Variants in ARHGAP39 observed in about 807,000 individuals in gnomAD.
The protein encoded by ARHGAP39 is Rho GTPase activating protein 39, also known as rho GTPase-activating protein 39.
Under a neutral mutation model 106.9 loss-of-function variants are expected in ARHGAP39, and 44 were observed. The observed-to-expected ratio is 0.41, with a 90% CI of 0.32 to 0.53. The LOEUF (loss-of-function observed/expected upper bound fraction) is 0.53. Ranked by LOEUF, ARHGAP39 falls within the 20% of genes least tolerant of loss-of-function variation. The pLI is 0.21. For missense variants in ARHGAP39, 1,496 were observed against 1,577.3 expected (o/e 0.95, Z 0.87); for synonymous variants, 768 against 693.2 (o/e 1.11, Z -1.69).
At chr8:144,599,464 G>A (rs534161389) in intron 2 of ARHGAP39, among the ~76,000 whole-genome samples, 6 of 152,316 alleles carry the variant, frequency 3.9e-5, no homozygotes, top group Admixed American at 1.3e-4. Flanking sequence ...ACTAACATCT[G>A]TTTATTCTTC....
chr8:144,667,845 A>T (rs1364598841), intron 1 of ARHGAP39, among the ~76,000 whole-genome samples: 1 of 152,236 alleles, frequency 6.6e-6, no homozygotes, highest in South Asian at 2.1e-4. Flanking sequence ...TGTTCAGAGC[A>T]TAAGCATCAG....
intron 3 of ARHGAP39, among the ~76,000 whole-genome samples, chr8:144,562,653 G>GACTCCAGTGGTTTCCATCGGACTC (rs1564849704): frequency 1.4e-5 from 2 of 138,936 alleles, no homozygotes; most frequent in African/African-American, 2.8e-5. Flanking sequence ...GTTACCATCG[G>GACTCCAGTGGTTTCCATCGGACTC]ACTCCAGTGG....
chr8:144,677,182 G>T (rs761731725), intron 1 of ARHGAP39, among the ~76,000 whole-genome samples: 1 of 152,174 alleles, frequency 6.6e-6, no homozygotes, highest in Non-Finnish European at 1.5e-5. Context: ...CCGTTCATCC[G>T]CTGATGGACA....
At chr8:144,627,574 A>T (rs1301428237) in intron 1 of ARHGAP39, among the ~76,000 whole-genome samples, 16 of 139,054 alleles carry the variant, frequency 1.2e-4, no homozygotes, top group Non-Finnish European at 2.2e-4. Flanking sequence ...AAAAAAAAGA[A>T]AGGAAGGAGG....
chr8:144,566,055 T>C (rs1271519305), intron 3 of ARHGAP39, among the ~76,000 whole-genome samples: 2 of 151,318 alleles, frequency 1.3e-5, no homozygotes, highest in Non-Finnish European at 1.5e-5. Context: ...GATTGCGCCA[T>C]TGCACTTCAG....
At chr8:144,633,821 GCGTA>G (rs1342698980) in intron 1 of ARHGAP39, among the ~76,000 whole-genome samples, 3 of 152,188 alleles carry the variant, frequency 2.0e-5, no homozygotes, top group African/African-American at 7.2e-5. Flanking sequence ...GGACTACAGC[GCGTA>G]CCACCATGCC....
rs1271688856 is a variant in ARHGAP39 at position 144,548,041 on chromosome 8, G to C, written c.1045C>G (p.Pro349Ala). The change falls in exon 5 of 12, where the codon CCG (proline) becomes GCG (alanine). Residue 349 changes from proline (P) to alanine (A), a missense_variant. Physicochemically the swap from Pro to Ala is conservative, Grantham distance 27. Transcript: ENST00000377307. The surrounding 1 kb of genome is among the most constrained non-coding windows in gnomAD (Gnocchi z 7.4). The part of the protein sequence containing the change: ...GYQAGSPQRS[P>A]GRKPRPFLQP... ...AGGAACGGCCGGGGCTTACGGCCCG[G>C]CGACCGCTGGGGAGAGCCGGCCTGG... is the stretch of plus-strand genomic sequence containing the variant. 6.2e-7 allele frequency: 1 copy of C among 1,603,878 alleles called. No homozygotes were observed. The highest frequency in any genetic ancestry group is 1.3e-5 in the African/African-American group (1 of 74,600).
At chr8:144,608,308 G>C (rs1820372501) in intron 1 of ARHGAP39, among the ~76,000 whole-genome samples, 1 of 151,950 alleles carries the variant, frequency 6.6e-6, no homozygotes, top group Non-Finnish European at 1.5e-5. Context: ...GTTCTAAAAA[G>C]CTAAAAAGCA....
intron 1 of ARHGAP39, among the ~76,000 whole-genome samples, chr8:144,658,127 G>C (rs954143364): frequency 2.0e-5 from 3 of 151,768 alleles, no homozygotes; most frequent in Non-Finnish European, 4.4e-5. Context: ...TCTTTCTTTC[G>C]AGACAAGGTT....
chr8:144,675,397 G>A (rs535468075), intron 1 of ARHGAP39, among the ~76,000 whole-genome samples: 8 of 152,336 alleles, frequency 5.3e-5, no homozygotes, highest in East Asian at 1.9e-4. Flanking sequence ...GCGGACCCTC[G>A]CGGTGAGTGT....
chr8:144,603,098 CATGT>C (rs1420212183), intron 2 of ARHGAP39, among the ~76,000 whole-genome samples: 4 of 124,324 alleles, frequency 3.2e-5, no homozygotes, highest in Non-Finnish European at 6.5e-5. Context: ...TGCGCGAGCT[CATGT>C]ATCTGTGTGC....
intron 1 of ARHGAP39, among the ~76,000 whole-genome samples, chr8:144,632,178 A>G (rs189993973): frequency 9.2e-5 from 14 of 152,324 alleles, no homozygotes; most frequent in Admixed American, 2.0e-4. Context: ...TCACTGCAGT[A>G]TAAGTTGCAC....
rs143641267 is a variant in ARHGAP39, at chr8:144,657,669, G to T, written c.-82+28017C>A. On this transcript the variant is annotated intron_variant, in intron 1 of 11. Transcript: ENST00000377307. ...TCCAAGTGGAGTTTATCTCAGGATT[G>T]CAAGATTAGTTTAACATTTAAAAAA... Among the ~76,000 whole-genome samples, 293 of 152,288 alleles carry T rather than the reference G, an allele frequency of 1.9e-3. 1 individual carries two copies. Among genetic ancestry groups the T allele is most frequent in the Admixed American group, 4.3e-3 (66 of 15,306 alleles).
chr8:144,632,129 T>A (rs931563339), intron 1 of ARHGAP39, among the ~76,000 whole-genome samples: 3 of 152,244 alleles, frequency 2.0e-5, no homozygotes, highest in African/African-American at 7.2e-5. Flanking sequence ...CTTTTTTCCA[T>A]GCAAGTCACA....
intron 2 of ARHGAP39, among the ~76,000 whole-genome samples, chr8:144,596,819 T>C (rs1386388380): frequency 6.6e-6 from 1 of 152,164 alleles, no homozygotes; most frequent in Admixed American, 6.5e-5. Context: ...GCCACCATGA[T>C]AGATCGTCCT....
Position 144,684,743 on chromosome 8 carries a change from G to C in ARHGAP39, c.-82+943C>G, listed in dbSNP as rs765614944. ...CACTCCAGCAACTGGGAAGCAACCGGGAAGCAACCGAGGGAATTCCAGCTC... is the reference window on the plus strand; with the variant it reads ...CACTCCAGCAACTGGGAAGCAACCGCGAAGCAACCGAGGGAATTCCAGCTC... On this transcript the variant is annotated intron_variant, in intron 1 of 11. Transcript: ENST00000377307. This position sits in a 1 kb window ranked among gnomAD's most constrained non-coding sequence, Gnocchi z 4.4. Among the ~76,000 whole-genome samples the C allele has an allele frequency of 7.9e-5, 12 of 152,214 alleles. No homozygotes were observed. The highest frequency in any genetic ancestry group is 8.8e-5 in the Non-Finnish European group (6 of 68,034).
At chr8:144,555,673 A>T in intron 3 of ARHGAP39, 30 bp from the exon 4 acceptor site, 1 of 1,581,646 alleles carries the variant, frequency 6.3e-7, no homozygotes, top group Non-Finnish European at 8.7e-7. Flanking sequence ...AAGAAATATG[A>T]ATATAAGTGC....
At chr8:144,583,030 A>G (rs1819052885) in intron 2 of ARHGAP39, among the ~76,000 whole-genome samples, 1 of 152,110 alleles carries the variant, frequency 6.6e-6, no homozygotes, top group Non-Finnish European at 1.5e-5. Context: ...CCCTTGGCGT[A>G]CACACCCACT....
At chr8:144,600,470 G>C (rs551839354) in intron 2 of ARHGAP39, among the ~76,000 whole-genome samples, 3 of 150,270 alleles carry the variant, frequency 2.0e-5, no homozygotes, top group Non-Finnish European at 4.4e-5. Context: ...ACCTACCTGC[G>C]TGTGCATCGA....
Sources: gnomAD v4.1 joint callset for allele counts (sites outside exome capture counted in the v4.1 genomes callset) on GRCh38, gnomAD v4.1.1 for gene constraint, Gnocchi (gnomAD v3.1) non-coding constraint, MANE v1.5 for transcripts, NCBI Gene and HGNC (gene_info 2026-07-23, HGNC 2026-07-21) for gene names.